The following CREB5 variants were observed in gnomAD, a reference collection of about 807,000 sequenced individuals.
CREB5 encodes cyclic AMP-responsive element-binding protein 5.
CREB5 carries 19 observed loss-of-function variants against 57.1 expected under a neutral mutation model. The observed-to-expected ratio is 0.33, with a 90% CI of 0.23 to 0.49. The LOEUF (loss-of-function observed/expected upper bound fraction) is 0.49, where lower values mean the gene tolerates loss of function less well. Ranked by LOEUF, CREB5 falls within the 20% of genes least tolerant of loss-of-function variation. The probability of loss-of-function intolerance (pLI) is 0.99; values close to 1 mark genes in which losing one functional copy is unlikely to be tolerated. For synonymous variants in CREB5, 238 were observed against 238.3 expected, an observed-to-expected ratio of 1.00 and a Z score of 0.01; for missense variants, 579 against 671.6, an observed-to-expected ratio of 0.86 and a Z score of 1.52.
At chr7:28,672,347 T>C (rs886711479) in intron 5 of CREB5, among the ~76,000 whole-genome samples, 9 of 152,156 alleles carry the variant, frequency 5.9e-5, no homozygotes, top group African/African-American at 2.2e-4. Context: ...AGATAACAGA[T>C]TGCTTTGTAA....
At chr7:28,429,501 C>G (rs1788633111) in intron 1 of CREB5, among the ~76,000 whole-genome samples, 1 of 152,184 alleles carries the variant, frequency 6.6e-6, no homozygotes, top group African/African-American at 2.4e-5. Context: ...TGATGCGTCG[C>G]ACCTCCTTTC....
chr7:28,517,385 A>G (rs1583566700), intron 4 of CREB5, among the ~76,000 whole-genome samples: 1 of 152,230 alleles, frequency 6.6e-6, no homozygotes, highest in East Asian at 1.9e-4. Context: ...GTCTGAGGCC[A>G]GAACTGGGAT....
chr7:28,307,195 C>G (rs1342207707), intron 1 of CREB5, among the ~76,000 whole-genome samples: 1 of 152,222 alleles, frequency 6.6e-6, no homozygotes, highest in East Asian at 1.9e-4. Context: ...ACTCAGCCAG[C>G]TCTGTGGTTT....
At chr7:28,542,040 G>A (rs970256737) in intron 4 of CREB5, among the ~76,000 whole-genome samples, 15 of 152,176 alleles carry the variant, frequency 9.9e-5, no homozygotes, top group African/African-American at 3.1e-4. Flanking sequence ...TTGCCACTAA[G>A]CAAAGAAAAT....
intron 5 of CREB5, among the ~76,000 whole-genome samples, chr7:28,610,752 T>C (rs1583414215): frequency 6.6e-6 from 1 of 152,332 alleles, no homozygotes. Flanking sequence ...GTTCTGGGCC[T>C]GGAAGGTCCA....
chr7:28,352,571 G>A (rs1786254424), intron 1 of CREB5, among the ~76,000 whole-genome samples: 1 of 152,178 alleles, frequency 6.6e-6, no homozygotes, highest in Admixed American at 6.5e-5. Context: ...GCTCTTCTCA[G>A]TGTGTGAGTT....
intron 5 of CREB5, among the ~76,000 whole-genome samples, chr7:28,598,652 C>T (rs1396830755): frequency 1.3e-5 from 2 of 152,156 alleles, no homozygotes; most frequent in South Asian, 2.1e-4. Context: ...AGTGACTGAA[C>T]ATCTTGTGTG....
chr7:28,381,150 C>G (rs954793653), intron 1 of CREB5, among the ~76,000 whole-genome samples: 1 of 152,172 alleles, frequency 6.6e-6, no homozygotes, highest in South Asian at 2.1e-4. Context: ...ATTGGTCAGT[C>G]AGAAGAGGGC....
intron 7 of CREB5, among the ~76,000 whole-genome samples, chr7:28,797,618 T>C (rs1808122869): frequency 6.6e-6 from 1 of 152,214 alleles, no homozygotes; most frequent in African/African-American, 2.4e-5. Flanking sequence ...TAGATTTTAT[T>C]CCAAGTGATT....
chr7:28,501,401 A>G (rs1313000938), intron 3 of CREB5, among the ~76,000 whole-genome samples: 3 of 152,252 alleles, frequency 2.0e-5, no homozygotes, highest in Non-Finnish European at 4.4e-5. Context: ...ACTGGCATTT[A>G]TAGGAGTTGT....
chr7:28,300,232 G>A (rs1173304750), intron 1 of CREB5, among the ~76,000 whole-genome samples: 3 of 152,112 alleles, frequency 2.0e-5, no homozygotes, highest in Non-Finnish European at 4.4e-5. Flanking sequence ...TAGTTCTCAA[G>A]TTTTGGCTCC....
chr7:28,408,642 G>GC, upstream of CREB5, among the ~76,000 whole-genome samples: 1 of 152,288 alleles, frequency 6.6e-6, no homozygotes, highest in African/African-American at 2.4e-5. Context: ...TTCACCTTTC[G>GC]CCTTAGGAGC....
chr7:28,470,340 C>T (rs1790754091), intron 1 of CREB5, among the ~76,000 whole-genome samples: 1 of 152,116 alleles, frequency 6.6e-6, no homozygotes. Context: ...TCTTTCCGTG[C>T]CTGGCTTATT....
chr7:28,323,258 G>C (rs1785523676), intron 1 of CREB5, among the ~76,000 whole-genome samples: 1 of 152,190 alleles, frequency 6.6e-6, no homozygotes, highest in Admixed American at 6.5e-5. Context: ...TGTGCTGACT[G>C]TTCTCACTTT....
chr7:28,582,944 A>G (rs1272347702), intron 5 of CREB5, among the ~76,000 whole-genome samples: 1 of 152,192 alleles, frequency 6.6e-6, no homozygotes, highest in African/African-American at 2.4e-5. Flanking sequence ...ATCCCAGAAC[A>G]TTGTAATGTG....
intron 1 of CREB5, among the ~76,000 whole-genome samples, chr7:28,357,082 G>T (rs16874528): frequency 1.3e-5 from 2 of 151,994 alleles, no homozygotes; most frequent in Non-Finnish European, 1.5e-5. Context: ...TGCATCCCTC[G>T]CTAAAGCCAC....
At chr7:28,353,804 C>T (rs1328059532) in intron 1 of CREB5, among the ~76,000 whole-genome samples, 3 of 133,786 alleles carry the variant, frequency 2.2e-5, no homozygotes, top group South Asian at 2.5e-4. Flanking sequence ...GATCACACCA[C>T]TGCACTCCAG....
intron 5 of CREB5, among the ~76,000 whole-genome samples, chr7:28,598,619 A>T (rs1233963105): frequency 6.6e-6 from 1 of 152,128 alleles, no homozygotes; most frequent in Non-Finnish European, 1.5e-5. Context: ...CTATTGTAAT[A>T]TCACTCACCC....
intron 5 of CREB5, among the ~76,000 whole-genome samples, chr7:28,600,745 T>C (rs1322606599): frequency 6.6e-6 from 1 of 152,192 alleles, no homozygotes; most frequent in African/African-American, 2.4e-5. Flanking sequence ...GCCAAAGATA[T>C]GAGGGAGCAG....
Sources: allele counts gnomAD v4.1 joint callset (sites outside exome capture counted in the v4.1 genomes callset), GRCh38; gene constraint gnomAD v4.1.1; transcripts MANE v1.5; gene names NCBI Gene and HGNC (gene_info 2026-07-23, HGNC 2026-07-21).